Variants in AUTS2 observed in about 807,000 individuals in gnomAD.
AUTS2 encodes the protein activator of transcription and developmental regulator AUTS2.
A neutral mutation model predicts 112.4 loss-of-function variants in AUTS2; 17 were observed. The observed-to-expected ratio is 0.15, with a 90% CI of 0.10 to 0.23. AUTS2 has a LOEUF of 0.23. Ranked by LOEUF, AUTS2 falls within the 10% of genes least tolerant of loss-of-function variation. AUTS2 has a pLI of 1.00. For missense variants in AUTS2, 1,510 were observed against 1,701.6 expected, an observed-to-expected ratio of 0.89 and a Z score of 1.98; for synonymous variants, 751 against 702.7, an observed-to-expected ratio of 1.07 and a Z score of -1.09.
intron 1 of AUTS2, among the ~76,000 whole-genome samples, chr7:69,644,723 T>C (rs1794948140): frequency 6.6e-6 from 1 of 152,190 alleles, no homozygotes; most frequent in African/African-American, 2.4e-5. Context: ...CAAGACAATA[T>C]GACTTAACTG....
intron 5 of AUTS2, among the ~76,000 whole-genome samples, chr7:70,459,460 C>T (rs1421601096): frequency 6.6e-6 from 1 of 152,160 alleles, no homozygotes. Flanking sequence ...ACTTCAAGGC[C>T]AGCTCACCAC....
chr7:69,734,820 G>A (rs1020002008), intron 1 of AUTS2, among the ~76,000 whole-genome samples: 8 of 152,080 alleles, frequency 5.3e-5, no homozygotes, highest in Non-Finnish European at 1.2e-4. Flanking sequence ...CTCTGAAAAG[G>A]TTTTTATATA....
chr7:70,036,747 A>G (rs1563056266), intron 2 of AUTS2, among the ~76,000 whole-genome samples: 2 of 152,230 alleles, frequency 1.3e-5, no homozygotes, highest in African/African-American at 4.8e-5. Context: ...GGCCTCTGCC[A>G]GCAGGAATTC....
At chr7:70,219,929 G>T (rs1811387254) in intron 4 of AUTS2, among the ~76,000 whole-genome samples, 1 of 152,116 alleles carries the variant, frequency 6.6e-6, no homozygotes, top group Non-Finnish European at 1.5e-5. Context: ...TTTCTTACAT[G>T]TAATTAAGTT....
At chr7:69,888,247 A>G (rs1369469246) in intron 1 of AUTS2, among the ~76,000 whole-genome samples, 1 of 151,886 alleles carries the variant, frequency 6.6e-6, no homozygotes, top group Non-Finnish European at 1.5e-5. Flanking sequence ...CTGTACAAGA[A>G]GAATGGTGCT....
chr7:69,692,925 G>A (rs1169897427), intron 1 of AUTS2, among the ~76,000 whole-genome samples: 1 of 152,200 alleles, frequency 6.6e-6, no homozygotes, highest in East Asian at 1.9e-4. Flanking sequence ...TGCACTGACC[G>A]AGAGACTTCC....
intron 2 of AUTS2, among the ~76,000 whole-genome samples, chr7:70,110,859 CTTTTTTTT>C (rs71077618): frequency 1.2e-5 from 1 of 82,782 alleles, no homozygotes; most frequent in African/African-American, 5.2e-5. Flanking sequence ...TTCTTTCTTT[CTTTTTTTT>C]TTTTTTTTTT....
chr7:70,206,699 G>A (rs1449494990), intron 4 of AUTS2, among the ~76,000 whole-genome samples: 3 of 152,154 alleles, frequency 2.0e-5, no homozygotes, highest in Non-Finnish European at 4.4e-5. Flanking sequence ...ACTGTTCCTT[G>A]CCTCAAAATG....
chr7:70,442,329 G>T (rs571757623), intron 5 of AUTS2, among the ~76,000 whole-genome samples: 1 of 152,138 alleles, frequency 6.6e-6, no homozygotes. Flanking sequence ...TCATACAGTC[G>T]CAATGTCTAC....
At chr7:70,358,572 G>A (rs1209722941) in intron 4 of AUTS2, among the ~76,000 whole-genome samples, 1 of 152,238 alleles carries the variant, frequency 6.6e-6, no homozygotes, top group Admixed American at 6.5e-5. Context: ...TTCCAGGGTA[G>A]GAACCTGCCT....
chr7:70,086,380 G>A (rs552922736), intron 2 of AUTS2, among the ~76,000 whole-genome samples: 51 of 152,190 alleles, frequency 3.4e-4, no homozygotes, highest in East Asian at 2.1e-3. Flanking sequence ...AATGGCTCAC[G>A]CCTGTAATCC....
chr7:70,314,357 G>A (rs1385965204), intron 4 of AUTS2, among the ~76,000 whole-genome samples: 2 of 152,228 alleles, frequency 1.3e-5, no homozygotes, highest in African/African-American at 2.4e-5. Context: ...CTGGATGTAA[G>A]GCTGGGTGGA....
At chr7:69,848,450 C>G (rs532605306) in intron 1 of AUTS2, among the ~76,000 whole-genome samples, 3 of 152,240 alleles carry the variant, frequency 2.0e-5, no homozygotes, top group African/African-American at 7.2e-5. Flanking sequence ...AATGTTTGTT[C>G]TCTTTAAAGG....
At position 70,444,373 on chromosome 7, in the gene AUTS2, T is replaced by TGTGTGTGAGAGAGA. The variant is rs372696006; in HGVS notation, c.690+8593_690+8594insTGTGTGAGAGAGAG. ...GTGTGTGTGTGTGTGTGTGTGTGTG[T>TGTGTGTGAGAGAGA]GAGAGAGAGAGAGAGAGAGAAAGAG... On this transcript the variant is annotated intron_variant, in intron 5 of 18. Transcript: ENST00000342771. Among the ~76,000 whole-genome samples, 546 of 142,476 alleles carry TGTGTGTGAGAGAGA rather than the reference T, an allele frequency of 3.8e-3. 4 individuals are homozygous for TGTGTGTGAGAGAGA. The highest frequency in any genetic ancestry group is 0.014 in the African/African-American group (518 of 37,192). 93.5% of individuals were successfully genotyped at this position (142,476 alleles called of 152,430 possible). A position where few individuals can be genotyped will look rare whatever the true frequency, so the allele number is the denominator to read the frequency against.
intron 5 of AUTS2, among the ~76,000 whole-genome samples, chr7:70,587,599 AC>A (rs1178314095): frequency 6.6e-6 from 1 of 152,134 alleles, no homozygotes; most frequent in African/African-American, 2.4e-5. Context: ...AGCAATAATA[AC>A]CTTTACTCAG....
intron 1 of AUTS2, among the ~76,000 whole-genome samples, chr7:69,691,364 G>T (rs1007908832): frequency 1.3e-5 from 2 of 152,020 alleles, no homozygotes; most frequent in Non-Finnish European, 2.9e-5. Context: ...ATTGTGTCTA[G>T]GCTGTTTGTG....
At chr7:70,719,201 C>T (rs554138544) in intron 6 of AUTS2, among the ~76,000 whole-genome samples, 1 of 152,318 alleles carries the variant, frequency 6.6e-6, no homozygotes, top group African/African-American at 2.4e-5. Context: ...CCTCCACACT[C>T]ACCCCATGCT....
intron 4 of AUTS2, among the ~76,000 whole-genome samples, chr7:70,232,256 C>G (rs1018655943): frequency 5.3e-5 from 8 of 151,982 alleles, no homozygotes; most frequent in African/African-American, 1.7e-4. Flanking sequence ...CCACAGTTTC[C>G]TTATTGTGGG....
intron 2 of AUTS2, among the ~76,000 whole-genome samples, chr7:70,111,380 C>T (rs1285025414): frequency 6.6e-6 from 1 of 152,134 alleles, no homozygotes; most frequent in Admixed American, 6.5e-5. Flanking sequence ...CTGATGGGAT[C>T]TTTCCTTTCT....
Sources: gnomAD v4.1 joint callset for allele counts (sites outside exome capture counted in the v4.1 genomes callset) on GRCh38, gnomAD v4.1.1 for gene constraint, MANE v1.5 for transcripts, NCBI Gene and HGNC (gene_info 2026-07-23, HGNC 2026-07-21) for gene names.